The following SH3KBP1 variants were observed in gnomAD, a reference collection of about 807,000 sequenced individuals.
SH3KBP1 encodes SH3 domain containing kinase binding protein 1, also known as SH3 domain-containing kinase-binding protein 1.
A neutral mutation model predicts 50.1 loss-of-function variants in SH3KBP1; 8 were observed. That is an observed-to-expected ratio of 0.16 (90% CI 0.09 to 0.29). The LOEUF is 0.29. SH3KBP1 is among the 10% of genes least tolerant of loss of function. The pLI, the probability that SH3KBP1 is intolerant of heterozygous loss-of-function variation, is 1.00. For missense variants in SH3KBP1, 377 were observed against 535.2 expected (o/e 0.70, Z 2.92); for synonymous variants, 227 against 218.6 (o/e 1.04, Z -0.34).
At chrX:19,561,048 T>A (rs1333430085) in intron 13 of SH3KBP1, among the ~76,000 whole-genome samples, 1 of 90,142 alleles carries the variant, frequency 1.1e-5, no homozygotes, top group Admixed American at 1.4e-4. Context: ...CACTCCAGCC[T>A]GGGCAACAGA....
rs1391594244 is a variant in SH3KBP1 at position 19,608,348 on chromosome X, G to A, written c.898-303C>T. Reference sequence around the variant, plus strand: ...TTTTGAGACAGGGTCTCACTCTGTCGCCCAGGCTGGAGTGCAGTGGTGCAA... The same window carrying A: ...TTTTGAGACAGGGTCTCACTCTGTCACCCAGGCTGGAGTGCAGTGGTGCAA... On this transcript the variant is annotated intron_variant, in intron 8 of 17. Coordinates refer to ENST00000397821, the MANE Select transcript of SH3KBP1 (RefSeq NM_031892.3). Among the ~76,000 whole-genome samples the A allele has an allele frequency of 4.4e-5, 4 of 90,964 alleles. No individual in the cohort carries two copies. In the East Asian group the frequency reaches 1.3e-3, roughly 30 times the overall value. 79.0% of individuals were successfully genotyped at this position (90,964 alleles called of 115,157 possible).
At chrX:19,717,169 C>T (rs1437198213) in intron 3 of SH3KBP1, among the ~76,000 whole-genome samples, 1 of 111,555 alleles carries the variant, frequency 9.0e-6, no homozygotes, top group Non-Finnish European at 1.9e-5. Flanking sequence ...CAGACATGGA[C>T]ACAGACATAC....
intron 1 of SH3KBP1, among the ~76,000 whole-genome samples, chrX:19,856,060 C>G (rs757644487): frequency 8.1e-4 from 89 of 110,541 alleles, no homozygotes; most frequent in African/African-American, 2.9e-3. Flanking sequence ...AGTGTCTCCC[C>G]CATCGCATCA....
chrX:19,556,087 G>C (rs1471173527), intron 13 of SH3KBP1, among the ~76,000 whole-genome samples: 1 of 112,087 alleles, frequency 8.9e-6, no homozygotes, highest in African/African-American at 3.2e-5. Context: ...AACCTTTCTA[G>C]GCTTCAGATT....
At chrX:19,565,646 A>T (rs1414777598) in intron 13 of SH3KBP1, among the ~76,000 whole-genome samples, 1 of 111,513 alleles carries the variant, frequency 9.0e-6, no homozygotes, top group Non-Finnish European at 1.9e-5. Flanking sequence ...TATTAGCAGA[A>T]TGATTCTAAC....
At chrX:19,817,435 G>T (rs2067389538) in intron 2 of SH3KBP1, among the ~76,000 whole-genome samples, 1 of 111,372 alleles carries the variant, frequency 9.0e-6, no homozygotes, top group South Asian at 3.7e-4. Context: ...CATTTATTTA[G>T]ATCTTCTTTG....
chrX:19,553,967 A>T (rs868000310), intron 13 of SH3KBP1, among the ~76,000 whole-genome samples: 198 of 60,830 alleles, frequency 3.3e-3, no homozygotes, highest in Non-Finnish European at 4.4e-3. Context: ...ATAATATATA[A>T]TATATATTAA....
intron 1 of SH3KBP1, among the ~76,000 whole-genome samples, chrX:19,844,322 T>C (rs1383928963): frequency 9.0e-6 from 1 of 111,560 alleles, no homozygotes; most frequent in Non-Finnish European, 1.9e-5. Flanking sequence ...GGTGACTGAG[T>C]GCACCATACG....
chrX:19,650,748 T>G (rs1489421860), intron 6 of SH3KBP1, among the ~76,000 whole-genome samples: 1 of 112,274 alleles, frequency 8.9e-6, no homozygotes, highest in Non-Finnish European at 1.9e-5. Context: ...AAGTGCCCAT[T>G]CAGTGTGAGG....
intron 2 of SH3KBP1, among the ~76,000 whole-genome samples, chrX:19,805,745 A>T (rs1367702513): frequency 1.8e-5 from 2 of 110,799 alleles, no homozygotes; most frequent in African/African-American, 6.6e-5. Flanking sequence ...CCACCAGCCC[A>T]CGTCGAGACC....
chrX:19,824,306 T>C (rs1325835425), intron 2 of SH3KBP1, among the ~76,000 whole-genome samples: 2 of 112,265 alleles, frequency 1.8e-5, no homozygotes, highest in East Asian at 5.5e-4. Flanking sequence ...TATTTTCTAA[T>C]TGAAGTCACC....
intron 1 of SH3KBP1, among the ~76,000 whole-genome samples, chrX:19,849,138 A>G (rs1490915974): frequency 9.1e-6 from 1 of 110,231 alleles, no homozygotes; most frequent in East Asian, 2.8e-4. Flanking sequence ...AAGAGAGACA[A>G]CCAGGCATCT....
At position 19,534,653 on chromosome X, in the gene SH3KBP1, G is replaced by A. The variant is rs1025077628; in HGVS notation, c.*1764C>T. On this transcript the variant is annotated 3_prime_UTR_variant, in exon 18 of 18. Transcript: ENST00000397821. ...TCCTGACCCCAAGCACACTGAACCC[G>A]AGGCTGCTGAAAAGGCAATATATCC... 1.8e-5 allele frequency: 5 copies of A among 282,851 alleles called. No individual in the cohort carries two copies. Among genetic ancestry groups the A allele is most frequent in the Non-Finnish European group, 2.5e-5 (4 of 162,349 alleles). 23.3% of individuals were successfully genotyped at this position (282,851 alleles called of 1,213,427 possible). A position where few individuals can be genotyped will look rare whatever the true frequency, so the allele number is the denominator to read the frequency against.
At chrX:19,605,875 C>G (rs1321747385) in intron 9 of SH3KBP1, among the ~76,000 whole-genome samples, 2 of 112,190 alleles carry the variant, frequency 1.8e-5, no homozygotes, top group Non-Finnish European at 3.8e-5. Flanking sequence ...GCTCACGTGT[C>G]TCTACCAATA....
intron 12 of SH3KBP1, among the ~76,000 whole-genome samples, chrX:19,578,103 C>T (rs969762222): frequency 3.6e-5 from 4 of 112,163 alleles, no homozygotes; most frequent in African/African-American, 1.3e-4. Context: ...GTCAAATGTG[C>T]AGATCCTAGA....
intron 12 of SH3KBP1, among the ~76,000 whole-genome samples, chrX:19,574,492 G>A (rs1009632455): frequency 8.9e-6 from 1 of 112,840 alleles, no homozygotes; most frequent in Non-Finnish European, 1.9e-5. Context: ...CAGTTCTGGA[G>A]GCTGGGAAGT....
chrX:19,736,637 T>C (rs985310144), intron 3 of SH3KBP1, among the ~76,000 whole-genome samples: 2 of 111,936 alleles, frequency 1.8e-5, no homozygotes, highest in African/African-American at 6.5e-5. Flanking sequence ...GCTGTTGGCC[T>C]AATCATGAGT....
intron 4 of SH3KBP1, among the ~76,000 whole-genome samples, chrX:19,698,917 G>GAATA (rs1436871681): frequency 8.9e-6 from 1 of 111,876 alleles, no homozygotes; most frequent in African/African-American, 3.3e-5. Flanking sequence ...ATGAATGAAT[G>GAATA]GCAGAGACAT....
intron 5 of SH3KBP1, among the ~76,000 whole-genome samples, chrX:19,689,457 T>C (rs1268961157): frequency 8.9e-6 from 1 of 112,321 alleles, no homozygotes; most frequent in Non-Finnish European, 1.9e-5. Context: ...CCATGTGTTC[T>C]TCCCTAACAC....
Sources: allele counts gnomAD v4.1 joint callset (sites outside exome capture counted in the v4.1 genomes callset), GRCh38; gene constraint gnomAD v4.1.1; transcripts MANE v1.5; gene names NCBI Gene and HGNC (gene_info 2026-07-23, HGNC 2026-07-21).